Variants in ANKRD24 observed in about 807,000 individuals in gnomAD.
The protein encoded by ANKRD24 is ankyrin repeat domain 24, also known as ankyrin repeat domain-containing protein 24.
A neutral mutation model predicts 127.8 loss-of-function variants in ANKRD24; 109 were observed. That is an observed-to-expected ratio of 0.85 (90% CI 0.73 to 1.00). The LOEUF is 1.00. Ranked by LOEUF, ANKRD24 falls within the 50% of genes least tolerant of loss-of-function variation. The pLI, the probability that ANKRD24 is intolerant of heterozygous loss-of-function variation, is 0.00. For synonymous variants in ANKRD24, 743 were observed against 671.1 expected (o/e 1.11, Z -1.66); for missense variants, 1,648 against 1,570.2 (o/e 1.05, Z -0.84).
intron 15 of ANKRD24, among the ~76,000 whole-genome samples, chr19:4,215,342 A>C (rs1969995593): frequency 1.3e-5 from 2 of 151,996 alleles, no homozygotes; most frequent in African/African-American, 2.4e-5. Flanking sequence ...AAAATTAGCC[A>C]GGCGTGGTGG....
At chr19:4,197,284 C>CTGAT (rs555398327) in intron 2 of ANKRD24, among the ~76,000 whole-genome samples, 3 of 151,878 alleles carry the variant, frequency 2.0e-5, no homozygotes, top group Non-Finnish European at 2.9e-5. Flanking sequence ...GAACGAATGA[C>CTGAT]TGATTGAATG....
intron 1 of ANKRD24, among the ~76,000 whole-genome samples, chr19:4,184,986 G>A (rs557965176): frequency 1.4e-5 from 2 of 144,558 alleles, no homozygotes; most frequent in South Asian, 2.4e-4. Flanking sequence ...GTGGGTGGGT[G>A]GATGGATGGA....
intron 7 of ANKRD24, among the ~76,000 whole-genome samples, chr19:4,206,090 C>T (rs1219670151): frequency 4.0e-5 from 6 of 151,748 alleles, no homozygotes; most frequent in African/African-American, 7.3e-5. Context: ...TGCAGTGAGC[C>T]GAGATCGGGC....
chr19:4,215,042 G>T (rs1969979255), intron 15 of ANKRD24, among the ~76,000 whole-genome samples: 1 of 152,174 alleles, frequency 6.6e-6, no homozygotes, highest in Non-Finnish European at 1.5e-5. Context: ...ACCACAGCCT[G>T]CCCCGAGTCC....
At position 4,200,182 on chromosome 19, in the gene ANKRD24, C is replaced by T; in HGVS notation, c.343+11C>T. The T allele has an allele frequency of 3.8e-6, 6 of 1,588,700 alleles. No individual in the cohort carries two copies. Among genetic ancestry groups the T allele is most frequent in the Non-Finnish European group, 5.1e-6 (6 of 1,168,970 alleles). On this transcript the variant is annotated intron_variant, in intron 5 of 21. Transcript: ENST00000318934. ...GCGCGGACGGGGCAGGTACTGCCAGCTGGGCCCCGGGGAGGGAGGAGGAAC... is the reference window on the plus strand; with the variant it reads ...GCGCGGACGGGGCAGGTACTGCCAGTTGGGCCCCGGGGAGGGAGGAGGAAC...
chr19:4,209,409 CT>C (rs1427442138), intron 11 of ANKRD24, among the ~76,000 whole-genome samples: 5 of 150,644 alleles, frequency 3.3e-5, no homozygotes, highest in Non-Finnish European at 5.9e-5. Flanking sequence ...AGCGCGACCC[CT>C]CTCCTAGTTT....
In ANKRD24 at chr19:4,222,766, C is replaced by T. The variant is rs770840669; in HGVS notation, c.3268C>T (p.Gln1090Ter). The T allele has an allele frequency of 6.2e-7, 1 of 1,611,050 alleles. No homozygotes were observed. Among genetic ancestry groups the T allele is most frequent in the Non-Finnish European group, 8.5e-7 (1 of 1,178,166 alleles). ...CCCTGAGGTGGAGGCTCTCCGTGAC[C>T]AGGTGAAGGATTTACAGCAGCAGCT... is the stretch of plus-strand genomic sequence containing the variant. ...ATPEVEALRD[Q>*]VKDLQQQLQE... The change falls in exon 20 of 22, where the codon CAG becomes TAG. Residue 1090 changes from glutamine (Q) to a stop codon, truncating the protein, a stop_gained. Transcript: ENST00000318934. LOFTEE classifies it high-confidence loss of function.
In ANKRD24 at chr19:4,195,636, G is replaced by T. The variant is rs773437630; in HGVS notation, c.37-4047G>T. Among the ~76,000 whole-genome samples the T allele has an allele frequency of 6.6e-6, 1 of 152,114 alleles. No individual in the cohort carries two copies. The highest frequency in any genetic ancestry group is 1.5e-5 in the Non-Finnish European group (1 of 68,032). ...AAGAGGGCCGGGCGCAGTGGCTCAC[G>T]CCTGTAATCCCAACACTTTGAGAGG... On this transcript the variant is annotated intron_variant, in intron 2 of 21. Coordinates refer to ENST00000318934, the MANE Select transcript of ANKRD24 (RefSeq NM_001393985.1). This position sits in a 1 kb window ranked among gnomAD's most constrained non-coding sequence, Gnocchi z 4.2.
At chr19:4,183,468 A>ATGTT in intron 1 of ANKRD24, 7 of 481,212 alleles carry the variant, frequency 1.5e-5, no homozygotes, top group Non-Finnish European at 1.9e-5. Context: ...GGACACAAAC[A>ATGTT]TGTGACCAGG....
At chr19:4,211,707 C>T (rs34568170) in intron 13 of ANKRD24, among the ~76,000 whole-genome samples, 51,164 of 151,920 alleles carry the variant, frequency 0.34, 9,759 homozygotes, top group Non-Finnish European at 0.42. Flanking sequence ...GTGGATGGAA[C>T]GGTGCCTGGC....
chr19:4,213,605 G>A (rs1227515651), intron 15 of ANKRD24, among the ~76,000 whole-genome samples: 4 of 151,428 alleles, frequency 2.6e-5, no homozygotes, highest in African/African-American at 7.3e-5. Context: ...ACAGCTGCAC[G>A]TCACCATGTC....
intron 20 of ANKRD24, among the ~76,000 whole-genome samples, chr19:4,223,399 A>ATTTTTTT (rs1248797551): frequency 7.1e-5 from 4 of 56,398 alleles, no homozygotes; most frequent in African/African-American, 2.3e-4. Context: ...ATATATATAT[A>ATTTTTTT]TATTTTTTTT....
Position 4,212,526 on chromosome 19 carries a change from G to T in ANKRD24, c.1098+13G>T, listed in dbSNP as rs1193378830. 6.4e-7 allele frequency: 1 copy of T among 1,555,432 alleles called. No individual in the cohort carries two copies. Among genetic ancestry groups the T allele is most frequent in the Non-Finnish European group, 8.7e-7 (1 of 1,150,638 alleles). On this transcript the variant is annotated intron_variant, in intron 14 of 21. Coordinates refer to ENST00000318934, the MANE Select transcript of ANKRD24 (RefSeq NM_001393985.1). The stretch of plus-strand genomic sequence containing the variant: ...CCTGGAGAGACAGGTAGGTGGGAAG[G>T]TGGGGAGGAGCCGGTCCTCCTGCTG...
intron 13 of ANKRD24, among the ~76,000 whole-genome samples, chr19:4,210,817 T>A (rs951292652): frequency 4.1e-5 from 6 of 145,688 alleles, no homozygotes; most frequent in Non-Finnish European, 6.0e-5. Context: ...CACTTTATTT[T>A]TTTTTTATTT....
chr19:4,219,904 C>G (rs1599469752), intron 19 of ANKRD24, 146 bp downstream of exon 19: 8 of 962,934 alleles, frequency 8.3e-6, no homozygotes, highest in African/African-American at 3.3e-5. Flanking sequence ...CGGAAGGGGA[C>G]CTGGTTACAG....
intron 18 of ANKRD24, 75 bp downstream of exon 18, chr19:4,218,238 G>A: frequency 2.2e-6 from 3 of 1,336,804 alleles, no homozygotes; most frequent in Non-Finnish European, 2.9e-6. Flanking sequence ...CCGCAGCCTT[G>A]AGGTGTTTTG....
chr19:4,218,902 G>T (rs1258853639), intron 18 of ANKRD24, among the ~76,000 whole-genome samples: 2 of 151,954 alleles, frequency 1.3e-5, no homozygotes. Context: ...CAAGTAGCTG[G>T]TACCACAGGT....
chr19:4,202,576 TA>T (rs1340483297), intron 6 of ANKRD24, among the ~76,000 whole-genome samples: 1 of 151,790 alleles, frequency 6.6e-6, no homozygotes, highest in East Asian at 1.9e-4. Context: ...ATCTAAAATA[TA>T]TATATATACT....
At chr19:4,207,460 T>A (rs1157352661) in intron 8 of ANKRD24, 41 bp from the exon 9 acceptor site, 2 of 1,597,816 alleles carry the variant, frequency 1.3e-6, no homozygotes, top group Non-Finnish European at 1.7e-6. Context: ...CTCCCGGGGG[T>A]CAGTTTCTCA....
Sources: gnomAD v4.1 joint callset for allele counts (sites outside exome capture counted in the v4.1 genomes callset) on GRCh38, gnomAD v4.1.1 for gene constraint, Gnocchi (gnomAD v3.1) non-coding constraint, MANE v1.5 for transcripts, NCBI Gene and HGNC (gene_info 2026-07-23, HGNC 2026-07-21) for gene names.